SLC22A25: variants seen among roughly 807,000 people sequenced by gnomAD.
The protein encoded by SLC22A25 is solute carrier family 22 member 25.
SLC22A25 carries 44 observed loss-of-function variants against 45.9 expected under a neutral mutation model. The ratio of observed to expected loss-of-function variants is 0.96; its 90% CI spans 0.75 to 1.23. The LOEUF is 1.23. Among genes scored for constraint, SLC22A25 ranks in the 50% most tolerant of loss-of-function variants. The pLI is 0.00. For synonymous variants in SLC22A25, 283 were observed against 238.6 expected (o/e 1.19, Z -1.72); for missense variants, 800 against 666.4 (o/e 1.20, Z -2.21).
rs1184722522 is a variant in SLC22A25 at position 63,161,084 on chromosome 11, G to A, written c.*2740C>T. Among the ~76,000 whole-genome samples the A allele has an allele frequency of 3.3e-5, 5 of 152,196 alleles. No homozygotes were observed. Among genetic ancestry groups the A allele is most frequent in the African/African-American group, 1.2e-4 (5 of 41,460 alleles). On this transcript the variant is annotated 3_prime_UTR_variant, in exon 12 of 12. Coordinates refer to ENST00000306494, the MANE Select transcript of SLC22A25 (RefSeq NM_199352.6). ...GTTTAATGGACTCACAGCTCCATGT[G>A]GCTGGTGAGGCCTCACAATCATGGT...
chr11:63,221,147 T>A (rs1040091693), intron 5 of SLC22A25, among the ~76,000 whole-genome samples: 1 of 152,174 alleles, frequency 6.6e-6, no homozygotes, highest in East Asian at 1.9e-4. Flanking sequence ...TACCTAGCAG[T>A]GGGATTGCTG....
At chr11:63,228,422 A>G in intron 5 of SLC22A25, 39 bp downstream of exon 5, 1 of 1,431,100 alleles carries the variant, frequency 7.0e-7, no homozygotes, top group Non-Finnish European at 9.7e-7. Flanking sequence ...GAATTGATGA[A>G]AATACCCTTG....
chr11:63,166,495 G>A (rs1254181253), intron 9 of SLC22A25: 3 of 1,268,002 alleles, frequency 2.4e-6, no homozygotes, highest in African/African-American at 1.5e-5. Flanking sequence ...ATGTGCTATG[G>A]GGTTTATTTA....
intron 7 of SLC22A25, among the ~76,000 whole-genome samples, chr11:63,190,992 T>C (rs540577272): frequency 1.9e-4 from 29 of 152,360 alleles, no homozygotes; most frequent in Admixed American, 1.6e-3. Flanking sequence ...TACTCAGGGT[T>C]CAGGGACCCA....
In SLC22A25 at chr11:63,164,652, A is replaced by G; in HGVS notation, c.1286-18T>C. ...CTGCATTTCTGGAGAAAGGAAGACC[A>G]CAGGGCCTCAGGAAATCTGAGCTGA... On this transcript the variant is annotated intron_variant, in intron 10 of 11. Transcript: ENST00000306494. 3 of 1,594,390 alleles carry G rather than the reference A, an allele frequency of 1.9e-6. No homozygotes were observed. The highest frequency in any genetic ancestry group is 1.3e-5 in the African/African-American group (1 of 74,638).
chr11:63,164,593 C>G lies in SLC22A25; in HGVS notation c.1327G>C (p.Gly443Arg). 1 of 1,613,812 alleles carries G rather than the reference C, an allele frequency of 6.2e-7. No homozygotes were observed. Among genetic ancestry groups the G allele is most frequent in the Non-Finnish European group, 8.5e-7 (1 of 1,179,828 alleles). ...CAGGTAATGCCAAGAGAAGCAGCTC[C>G]CACACCCAGGGTTGCCAAAACCACA... ...LRVVLATLGV[G>R]AASLGITCST... The change falls in exon 11 of 12, where the codon GGA becomes CGA. Residue 443 changes from glycine to arginine, a missense_variant. Physicochemically the swap from Gly to Arg is moderately radical, Grantham distance 125 (BLOSUM62 -2). Coordinates refer to ENST00000306494, the MANE Select transcript of SLC22A25 (RefSeq NM_199352.6).
intron 9 of SLC22A25, among the ~76,000 whole-genome samples, chr11:63,175,995 A>G (rs183373943): frequency 6.6e-6 from 1 of 152,124 alleles, no homozygotes; most frequent in Admixed American, 6.6e-5. Flanking sequence ...TCTATTGTGT[A>G]TCTTTGTCAC....
intron 3 of SLC22A25, among the ~76,000 whole-genome samples, chr11:63,233,599 T>C (rs1288107061): frequency 6.6e-6 from 1 of 152,174 alleles, no homozygotes; most frequent in African/African-American, 2.4e-5. Context: ...CCTGGATTCA[T>C]TGATTTTTTG....
intron 3 of SLC22A25, among the ~76,000 whole-genome samples, chr11:63,236,872 T>C (rs1206727968): frequency 6.6e-6 from 1 of 152,206 alleles, no homozygotes; most frequent in Admixed American, 6.5e-5. Flanking sequence ...GCTTTCATCT[T>C]CTAACTATCT....
At chr11:63,220,213 G>A (rs1408960388) in intron 5 of SLC22A25, among the ~76,000 whole-genome samples, 1 of 152,112 alleles carries the variant, frequency 6.6e-6, no homozygotes. Flanking sequence ...CACCATCAAT[G>A]ACACCTTGAA....
At chr11:63,190,565 C>G (rs956160028) in intron 7 of SLC22A25, among the ~76,000 whole-genome samples, 2 of 152,116 alleles carry the variant, frequency 1.3e-5, no homozygotes, top group East Asian at 3.9e-4. Context: ...CATTGTCTGT[C>G]CAGCTTTGTT....
At position 63,206,170 on chromosome 11, in the gene SLC22A25, G is replaced by A. The variant is rs1444485732; in HGVS notation, c.830+11144C>T. On this transcript the variant is annotated intron_variant, in intron 7 of 11. Coordinates refer to ENST00000306494, the MANE Select transcript of SLC22A25 (RefSeq NM_199352.6). Reference sequence around the variant, plus strand: ...AGCAGCTATTTATTATGAACCTATAGCCAATATCATACTAAATGGGCAAAA... The same window carrying A: ...AGCAGCTATTTATTATGAACCTATAACCAATATCATACTAAATGGGCAAAA... Among the ~76,000 whole-genome samples, 5 of 152,170 alleles carry A rather than the reference G, an allele frequency of 3.3e-5. No individual in the cohort carries two copies. In the South Asian group the frequency reaches 8.3e-4, roughly 25 times the overall value.
chr11:63,227,120 T>G (rs760724703), intron 5 of SLC22A25, among the ~76,000 whole-genome samples: 4 of 152,082 alleles, frequency 2.6e-5, no homozygotes, highest in Non-Finnish European at 4.4e-5. Context: ...AAAGGCCTAC[T>G]TGGTGGTCTT....
Position 63,164,597 on chromosome 11 carries a change from A to G in SLC22A25, c.1323T>C (p.Gly441=), listed in dbSNP as rs755935292. The G allele has an allele frequency of 2.5e-6, 4 of 1,613,708 alleles. No homozygotes were observed. Among genetic ancestry groups the G allele is most frequent in the Admixed American group, 1.7e-5 (1 of 59,958 alleles). The stretch of plus-strand genomic sequence containing the variant: ...TAATGCCAAGAGAAGCAGCTCCCAC[A>G]CCCAGGGTTGCCAAAACCACACGCA... ...QTLRVVLATL[G]VGAASLGITC... Residue 441 remains glycine, a synonymous_variant, in exon 11 of 12, where the codon GGT becomes GGC. Transcript: ENST00000306494.
chr11:63,230,480 T>C (rs1044648350), intron 3 of SLC22A25, among the ~76,000 whole-genome samples: 1 of 152,186 alleles, frequency 6.6e-6, no homozygotes, highest in Non-Finnish European at 1.5e-5. Context: ...CATAAACAAT[T>C]GTAATCTGAT....
Position 63,180,684 on chromosome 11 carries a change from C to A in SLC22A25, c.1046G>T (p.Arg349Ile). 1 of 1,612,680 alleles carries A rather than the reference C, an allele frequency of 6.2e-7. No homozygotes were observed. The highest frequency in any genetic ancestry group is 8.5e-7 in the Non-Finnish European group (1 of 1,179,290). ...ELLRIPNICK[R>I]ICFLSFVRFA... ...CCTCACAAAGGACAGGAAACAGATTCTTTTACATATGTTGGGTATGCGGAG... is the reference window on the plus strand; with the variant it reads ...CCTCACAAAGGACAGGAAACAGATTATTTTACATATGTTGGGTATGCGGAG... The change falls in exon 9 of 12, where the codon AGA (arginine) becomes ATA (isoleucine). Residue 349 changes from arginine to isoleucine, a missense_variant. Coordinates refer to ENST00000306494, the MANE Select transcript of SLC22A25 (RefSeq NM_199352.6).
intron 1 of SLC22A25, chr11:63,243,206 G>T (rs1010546837): frequency 1.1e-5 from 3 of 260,982 alleles, no homozygotes; most frequent in Non-Finnish European, 1.5e-5. Flanking sequence ...CTTCAGTAAT[G>T]CTCCTACTTC....
chr11:63,183,644 G>C, intron 8 of SLC22A25, 50 bp downstream of exon 8: 5 of 1,608,680 alleles, frequency 3.1e-6, no homozygotes, highest in Non-Finnish European at 4.2e-6. Context: ...AAGTATAGAT[G>C]ACAATTTATG....
Position 63,166,062 on chromosome 11 carries a change from T to C in SLC22A25, c.1267A>G (p.Ile423Val). The C allele has an allele frequency of 6.2e-7, 1 of 1,613,916 alleles. No individual in the cohort carries two copies. Among genetic ancestry groups the C allele is most frequent in the Non-Finnish European group, 8.5e-7 (1 of 1,179,896 alleles). ...TTCTCACCTTGAGGCACAAATATGA[T>C]GGCCAGAAGGCAGGTTGCCAGTAGG... ...MFLLATCLLA[I>V]IFVPQEMQTL... The change falls in exon 10 of 12, where the codon ATC (isoleucine) becomes GTC (valine). Residue 423 changes from isoleucine to valine, a missense_variant. Coordinates refer to ENST00000306494, the MANE Select transcript of SLC22A25 (RefSeq NM_199352.6).
Sources: gnomAD v4.1 joint callset for allele counts (sites outside exome capture counted in the v4.1 genomes callset) on GRCh38, gnomAD v4.1.1 for gene constraint, MANE v1.5 for transcripts, NCBI Gene and HGNC (gene_info 2026-07-23, HGNC 2026-07-21) for gene names.